PRKACB: variants seen among roughly 807,000 people sequenced by gnomAD.
The protein encoded by PRKACB is protein kinase cAMP-activated catalytic subunit beta, also known as cAMP-dependent protein kinase catalytic subunit beta.
PRKACB carries 16 observed loss-of-function variants against 51.4 expected under a neutral mutation model. That is an observed-to-expected ratio of 0.31 (90% CI 0.21 to 0.47). PRKACB has a LOEUF of 0.47. PRKACB is among the 20% of genes least tolerant of loss of function. The probability of loss-of-function intolerance (pLI) is 1.00; values close to 1 mark genes in which losing one functional copy is unlikely to be tolerated. For missense variants in PRKACB, 309 were observed against 464.5 expected, an observed-to-expected ratio of 0.67 and a Z score of 3.08; for synonymous variants, 147 against 154.4, an observed-to-expected ratio of 0.95 and a Z score of 0.35.
rs1292195031 is a variant in PRKACB at position 84,187,712 on chromosome 1, C to T, written c.560+2530C>T. Among the ~76,000 whole-genome samples the T allele has an allele frequency of 8.5e-5, 13 of 152,222 alleles. No homozygotes were observed. The East Asian group carries it at 1.2e-3, about 14-fold the overall frequency. ...ACAAGACTCAAAAATAATGTACAGA[C>T]TTACAGTCTAATAACAGGTATATTA... On this transcript the variant is annotated intron_variant, in intron 5 of 9. Coordinates refer to ENST00000370685, the MANE Select transcript of PRKACB (RefSeq NM_182948.4).
At chr1:84,130,074 C>A (rs1032093310) in intron 1 of PRKACB, among the ~76,000 whole-genome samples, 1 of 151,672 alleles carries the variant, frequency 6.6e-6, no homozygotes, top group Admixed American at 6.6e-5. Context: ...GTGGCGGGCA[C>A]CTGTAGTCCC....
chr1:84,161,861 G>GA (rs1012916236), intron 1 of PRKACB, among the ~76,000 whole-genome samples: 16 of 151,812 alleles, frequency 1.1e-4, no homozygotes, highest in Admixed American at 1.3e-4. Flanking sequence ...AGAGAGAACA[G>GA]AAAAAATGTG....
At chr1:84,184,868 C>T (rs1664633826) in intron 4 of PRKACB, among the ~76,000 whole-genome samples, 1 of 151,568 alleles carries the variant, frequency 6.6e-6, no homozygotes, top group Admixed American at 6.6e-5. Context: ...ATGTTCTCTG[C>T]AAGAAAAGGA....
intron 1 of PRKACB, among the ~76,000 whole-genome samples, chr1:84,109,723 A>T (rs898359576): frequency 2.0e-5 from 3 of 151,570 alleles, no homozygotes; most frequent in Admixed American, 6.6e-5. Context: ...TTTACTTTAA[A>T]TTTTTTTTAT....
At position 84,231,233 on chromosome 1, in the gene PRKACB, C is replaced by G. The variant is rs1199153232; in HGVS notation, c.1072-3947C>G. ...TATGCTGGATTACATTTATTGATTT[C>G]CATATATTGAACCAGCCTTGCATCC... On this transcript the variant is annotated intron_variant, in intron 9 of 9. Transcript: ENST00000370685. Among the ~76,000 whole-genome samples the G allele has an allele frequency of 5.9e-5, 9 of 152,150 alleles. No individual in the cohort carries two copies. The South Asian group carries it at 1.2e-3, about 21-fold the overall frequency.
At chr1:84,145,537 G>A (rs1179327496) in intron 1 of PRKACB, among the ~76,000 whole-genome samples, 1 of 152,080 alleles carries the variant, frequency 6.6e-6, no homozygotes, top group African/African-American at 2.4e-5. Flanking sequence ...CACCTTGACA[G>A]TGTTATAGAA....
At chr1:84,100,731 G>T (rs1011093985) in intron 1 of PRKACB, among the ~76,000 whole-genome samples, 1 of 152,156 alleles carries the variant, frequency 6.6e-6, no homozygotes, top group Admixed American at 6.5e-5. Context: ...AGTTTGTAGA[G>T]TATTACATAG....
chr1:84,160,587 A>G (rs1656059276), intron 1 of PRKACB, among the ~76,000 whole-genome samples: 1 of 148,102 alleles, frequency 6.8e-6, no homozygotes, highest in Admixed American at 6.8e-5. Context: ...ATAATAATAT[A>G]TACAAAGCTT....
At chr1:84,102,484 A>C (rs1202568829) in intron 1 of PRKACB, among the ~76,000 whole-genome samples, 1 of 152,194 alleles carries the variant, frequency 6.6e-6, no homozygotes, top group East Asian at 1.9e-4. Context: ...AGAAATCTTA[A>C]GGACTTGTCC....
In PRKACB at chr1:84,078,480, C is replaced by CAGCA. The variant is rs1647264807; in HGVS notation, c.46+109_46+110insAGCA. On this transcript the variant is annotated intron_variant, in intron 1 of 8. Transcript: ENST00000370688. ...CGCGGGCACGGGCCAGGCCTAGCAG[C>CAGCA]GGCCGCCGGGAGTCGTTCTGGGGGG... 2.3e-6 allele frequency: 3 copies of CAGCA among 1,315,210 alleles called. No homozygotes were observed. The South Asian group carries it at 4.2e-5, about 19-fold the overall frequency. The allele number at this position is 1,315,210 out of a possible 1,614,324, so 81.5% of individuals were successfully genotyped here.
At chr1:84,208,313 G>GA (rs1363238617) in intron 8 of PRKACB, among the ~76,000 whole-genome samples, 1 of 152,158 alleles carries the variant, frequency 6.6e-6, no homozygotes, top group Non-Finnish European at 1.5e-5. Flanking sequence ...GCTGAAAGCA[G>GA]AAAAAATATT....
chr1:84,147,658 G>A (rs1654284581), intron 1 of PRKACB, among the ~76,000 whole-genome samples: 1 of 151,992 alleles, frequency 6.6e-6, no homozygotes, highest in Non-Finnish European at 1.5e-5. Context: ...TACTGTGGAA[G>A]CTAAGTGTAA....
At chr1:84,162,912 T>C (rs970254026) in intron 1 of PRKACB, among the ~76,000 whole-genome samples, 1 of 152,022 alleles carries the variant, frequency 6.6e-6, no homozygotes, top group Non-Finnish European at 1.5e-5. Context: ...GTTTTGATTA[T>C]TTTTTCCCTG....
At chr1:84,139,863 C>T (rs1653221432), upstream of PRKACB, among the ~76,000 whole-genome samples, 2 of 152,134 alleles carry the variant, frequency 1.3e-5, no homozygotes, top group South Asian at 4.2e-4. Context: ...TTGAGACCAT[C>T]CTGGCTAACA....
At chr1:84,182,352 C>T (rs773772175) in intron 3 of PRKACB, 24 bp downstream of exon 3, 7 of 1,496,114 alleles carry the variant, frequency 4.7e-6, no homozygotes, top group Middle Eastern at 3.5e-4. Context: ...TTGTTATTTA[C>T]CTTCAGGGTA....
chr1:84,100,228 A>C (rs1649240120), intron 1 of PRKACB, among the ~76,000 whole-genome samples: 1 of 152,170 alleles, frequency 6.6e-6, no homozygotes, highest in South Asian at 2.1e-4. Context: ...GTGAGAACTC[A>C]GTCACTGTTA....
chr1:84,189,213 A>G lies in PRKACB; in HGVS notation c.560+4031A>G, dbSNP rs553194442. Among the ~76,000 whole-genome samples, 4 of 151,992 alleles carry G rather than the reference A, an allele frequency of 2.6e-5. No homozygotes were observed. In the South Asian group the frequency reaches 8.3e-4, roughly 31 times the overall value. On this transcript the variant is annotated intron_variant, in intron 5 of 9. Transcript: ENST00000370685. ...TTGAATTTAATCAGACACAGGAAGA[A>G]TGTGTCCAGGGTTATTGAGTGTACA... is the stretch of plus-strand genomic sequence containing the variant.
intron 1 of PRKACB, 40 bp downstream of exon 1, chr1:84,144,588 C>T (rs958138970): frequency 1.3e-6 from 2 of 1,507,796 alleles, no homozygotes; most frequent in African/African-American, 2.9e-5. Context: ...TAACTAGCAA[C>T]TAAAATGGTA....
chr1:84,139,510 T>C (rs1653169593), upstream of PRKACB, among the ~76,000 whole-genome samples: 1 of 152,148 alleles, frequency 6.6e-6, no homozygotes, highest in Non-Finnish European at 1.5e-5. Flanking sequence ...GGTATAAATC[T>C]AACAAAATTA....
Sources: gnomAD v4.1 joint callset for allele counts (sites outside exome capture counted in the v4.1 genomes callset) on GRCh38, gnomAD v4.1.1 for gene constraint, MANE v1.5 for transcripts, NCBI Gene and HGNC (gene_info 2026-07-23, HGNC 2026-07-21) for gene names.